Variants in PCMTD1 observed in about 807,000 individuals in gnomAD.
PCMTD1 encodes the protein protein-L-isoaspartate (D-aspartate) O-methyltransferase domain containing 1.
PCMTD1 carries 12 observed loss-of-function variants against 37.6 expected under a neutral mutation model. The ratio of observed to expected loss-of-function variants is 0.32; its 90% CI spans 0.20 to 0.52. PCMTD1 has a LOEUF of 0.52. Among genes scored for constraint, PCMTD1 ranks in the 20% least tolerant of loss-of-function variants. The pLI is 0.97. For missense variants in PCMTD1, 235 were observed against 421.3 expected, an observed-to-expected ratio of 0.56 and a Z score of 3.87; for synonymous variants, 117 against 135.8, an observed-to-expected ratio of 0.86 and a Z score of 0.96.
chr8:51,878,006 TA>T (rs2038737012), intron 1 of PCMTD1, among the ~76,000 whole-genome samples: 1 of 152,224 alleles, frequency 6.6e-6, no homozygotes, highest in African/African-American at 2.4e-5. Context: ...TGCAAGCAAC[TA>T]ATGAATCTAA....
intron 3 of PCMTD1, among the ~76,000 whole-genome samples, chr8:51,840,034 T>C (rs965806535): frequency 3.9e-5 from 6 of 152,224 alleles, no homozygotes; most frequent in African/African-American, 1.4e-4. Flanking sequence ...AATTAAGCTA[T>C]TTAATTACAA....
intron 1 of PCMTD1, among the ~76,000 whole-genome samples, chr8:51,867,855 A>G (rs1192268509): frequency 6.6e-6 from 1 of 152,062 alleles, no homozygotes; most frequent in African/African-American, 2.4e-5. Flanking sequence ...GTCAAAGGGC[A>G]TAAAGTTTCT....
At chr8:51,842,258 T>G (rs1398178929) in intron 3 of PCMTD1, among the ~76,000 whole-genome samples, 1 of 152,122 alleles carries the variant, frequency 6.6e-6, no homozygotes, top group Non-Finnish European at 1.5e-5. Flanking sequence ...TTAAAAGTAC[T>G]TACAATACTT....
At chr8:51,860,759 A>T (rs1477730974) in intron 2 of PCMTD1, 86 bp downstream of exon 2, 1 of 1,146,356 alleles carries the variant, frequency 8.7e-7, no homozygotes, top group Non-Finnish European at 1.2e-6. Flanking sequence ...AACATACTGT[A>T]CACAAAGTTA....
At chr8:51,898,425 C>A (rs1322582565) in intron 1 of PCMTD1, among the ~76,000 whole-genome samples, 2 of 152,266 alleles carry the variant, frequency 1.3e-5, no homozygotes, top group Non-Finnish European at 2.9e-5. Context: ...CCCCTCCCAG[C>A]CCCCGAGACT....
chr8:51,877,731 T>C (rs2038733214), intron 1 of PCMTD1, among the ~76,000 whole-genome samples: 1 of 152,158 alleles, frequency 6.6e-6, no homozygotes, highest in Non-Finnish European at 1.5e-5. Flanking sequence ...ATATTATTCC[T>C]GGACTAGATC....
intron 1 of PCMTD1, among the ~76,000 whole-genome samples, chr8:51,898,031 G>A (rs770934209): frequency 1.3e-5 from 2 of 152,086 alleles, no homozygotes; most frequent in Non-Finnish European, 2.9e-5. Context: ...AAGGGCGCGA[G>A]AGAGGGCAGG....
At chr8:51,860,743 C>A (rs1252433570) in intron 2 of PCMTD1, 102 bp downstream of exon 2, 2 of 967,934 alleles carry the variant, frequency 2.1e-6, no homozygotes, top group Non-Finnish European at 3.0e-6. Flanking sequence ...TGTGTATACA[C>A]ATTCAAACAT....
In PCMTD1 at chr8:51,820,201, A is replaced by C. The variant is rs1035024318; in HGVS notation, c.*150T>G. 193 of 600,438 alleles carry C rather than the reference A, an allele frequency of 3.2e-4. 2 individuals carry two copies. Among genetic ancestry groups the C allele is most frequent in the Non-Finnish European group, 4.6e-4 (177 of 382,196 alleles). 37.2% of individuals were successfully genotyped at this position (600,438 alleles called of 1,614,324 possible). On this transcript the variant is annotated 3_prime_UTR_variant, in exon 6 of 6. Transcript: ENST00000522514. ...AGGGATTCTTTTATTCACTGAATAC[A>C]TCATTTGTGTTACTGACAGAAACAA...
intron 2 of PCMTD1, among the ~76,000 whole-genome samples, chr8:51,857,398 G>A (rs145164154): frequency 7.2e-5 from 11 of 152,096 alleles, no homozygotes; most frequent in Non-Finnish European, 1.3e-4. Context: ...TTATATTATG[G>A]TTTATACAAG....
At chr8:51,855,734 C>T (rs1296244606) in intron 2 of PCMTD1, among the ~76,000 whole-genome samples, 1 of 151,824 alleles carries the variant, frequency 6.6e-6, no homozygotes, top group African/African-American at 2.4e-5. Flanking sequence ...GCATGGCTCA[C>T]TGCAAGCTCC....
At chr8:51,866,939 T>C (rs185795594) in intron 1 of PCMTD1, among the ~76,000 whole-genome samples, 10 of 151,946 alleles carry the variant, frequency 6.6e-5, no homozygotes, top group Non-Finnish European at 1.3e-4. Flanking sequence ...CCCATACATC[T>C]GATAAGGGAT....
At chr8:51,826,377 G>C (rs565045217) in intron 5 of PCMTD1, among the ~76,000 whole-genome samples, 2 of 152,128 alleles carry the variant, frequency 1.3e-5, no homozygotes, top group Non-Finnish European at 2.9e-5. Flanking sequence ...GGGATGGGGG[G>C]CTAGGGGACG....
At chr8:51,877,225 T>G (rs2038725548) in intron 1 of PCMTD1, among the ~76,000 whole-genome samples, 1 of 152,238 alleles carries the variant, frequency 6.6e-6, no homozygotes, top group Non-Finnish European at 1.5e-5. Context: ...CAGGGTCATT[T>G]ATAACCTGAT....
In PCMTD1 at chr8:51,820,738, G is replaced by A. The variant is rs753645492; in HGVS notation, c.707-20C>T. ...AGGGAGCTAAAAACAAACATAAAAC[G>A]CAAGAAAGAAAATATTAACAATAAA... On this transcript the variant is annotated intron_variant, in intron 5 of 5. Coordinates refer to ENST00000522514, the MANE Select transcript of PCMTD1 (RefSeq NM_052937.4). 147 of 1,557,358 alleles carry A rather than the reference G, an allele frequency of 9.4e-5. No homozygotes were observed. The highest frequency in any genetic ancestry group is 1.7e-4 in the Middle Eastern group (1 of 5,856).
intron 1 of PCMTD1, among the ~76,000 whole-genome samples, chr8:51,885,374 TGACTAA>T (rs2038851104): frequency 6.6e-6 from 1 of 152,216 alleles, no homozygotes; most frequent in African/African-American, 2.4e-5. Flanking sequence ...ACGCCAGCCC[TGACTAA>T]GAGTACTGAG....
chr8:51,850,780 A>G (rs1022812968), intron 2 of PCMTD1, among the ~76,000 whole-genome samples: 3 of 152,264 alleles, frequency 2.0e-5, no homozygotes, highest in African/African-American at 7.2e-5. Flanking sequence ...GGATCTTTCA[A>G]TAAATTACAA....
chr8:51,831,638 C>CT, intron 4 of PCMTD1, 71 bp from the exon 5 acceptor site: 1 of 1,493,192 alleles, frequency 6.7e-7, no homozygotes, highest in Non-Finnish European at 8.9e-7. Context: ...ACAGTCAAAA[C>CT]TTTGTTTTAA....
intron 1 of PCMTD1, among the ~76,000 whole-genome samples, chr8:51,897,805 T>C (rs1001604360): frequency 2.6e-5 from 4 of 152,118 alleles, no homozygotes; most frequent in Admixed American, 6.5e-5. Context: ...TAATACATAG[T>C]AATAATGTTT....
Sources: allele counts gnomAD v4.1 joint callset (sites outside exome capture counted in the v4.1 genomes callset), GRCh38; gene constraint gnomAD v4.1.1; transcripts MANE v1.5; gene names NCBI Gene and HGNC (gene_info 2026-07-23, HGNC 2026-07-21).